VWA3B: variants seen among roughly 807,000 people sequenced by gnomAD.
The protein encoded by VWA3B is von Willebrand factor A domain containing 3B, also known as von Willebrand factor A domain-containing protein 3B.
A neutral mutation model predicts 158.3 loss-of-function variants in VWA3B; 138 were observed. The ratio of observed to expected loss-of-function variants is 0.87; its 90% confidence interval spans 0.76 to 1.00. The LOEUF is 1.00. Among genes scored for constraint, VWA3B ranks in the 50% least tolerant of loss-of-function variants. The probability of loss-of-function intolerance (pLI) is 0.00; values close to 1 mark genes in which losing one functional copy is unlikely to be tolerated. For missense variants in VWA3B, 1,555 were observed against 1,565.1 expected (o/e 0.99, Z 0.11); for synonymous variants, 596 against 587.3 (o/e 1.01, Z -0.21).
chr2:98,321,773 A>G, the VWA3B span, among the ~76,000 whole-genome samples: 1 of 152,170 alleles, frequency 6.6e-6, no homozygotes, highest in East Asian at 1.9e-4. Context: ...ACTTTGGGGT[A>G]CTGTTGGGAA....
chr2:98,259,166 G>A (rs559042063), intron 21 of VWA3B, among the ~76,000 whole-genome samples: 2 of 151,724 alleles, frequency 1.3e-5, no homozygotes, highest in Admixed American at 1.3e-4. Context: ...GATTTGATTT[G>A]CTAGTGTTTT....
chr2:98,293,382 C>T (rs1475469315), intron 23 of VWA3B, among the ~76,000 whole-genome samples: 2 of 152,200 alleles, frequency 1.3e-5, no homozygotes, highest in African/African-American at 4.8e-5. Context: ...AACTTTGACT[C>T]AGCCAGATTA....
chr2:98,328,803 G>T, the VWA3B span, among the ~76,000 whole-genome samples: 1 of 152,036 alleles, frequency 6.6e-6, no homozygotes, highest in African/African-American at 2.4e-5. Context: ...CATAGTTCCA[G>T]CAGGTTTGTT....
intron 19 of VWA3B, among the ~76,000 whole-genome samples, chr2:98,242,531 C>G (rs190560531): frequency 2.2e-4 from 33 of 151,960 alleles, no homozygotes; most frequent in Admixed American, 2.0e-3. Context: ...GAGTCTACAT[C>G]ATCACCCATC....
chr2:98,258,681 A>T (rs1010901130), intron 21 of VWA3B, among the ~76,000 whole-genome samples: 8 of 151,794 alleles, frequency 5.3e-5, no homozygotes, highest in Non-Finnish European at 1.5e-5. Flanking sequence ...TTGTATTTTG[A>T]CTTTGTACCT....
the VWA3B span, among the ~76,000 whole-genome samples, chr2:98,330,429 G>C: frequency 2.0e-5 from 3 of 152,138 alleles, no homozygotes; most frequent in Non-Finnish European, 4.4e-5. Context: ...GCCCATCAGA[G>C]AAACATCTCG....
Position 98,133,949 on chromosome 2 carries a change from A to G in VWA3B, c.988+10A>G. 1 of 1,607,626 alleles carries G rather than the reference A, an allele frequency of 6.2e-7. No individual in the cohort carries two copies. Among genetic ancestry groups the G allele is most frequent in the Non-Finnish European group, 8.5e-7 (1 of 1,174,014 alleles). On this transcript the variant is annotated intron_variant, in intron 7 of 27. Transcript: ENST00000477737. ...GGAAAACTCCCTCCAGGTACCTGGA[A>G]TCCAAAAGAAGTGGTGTAGCTTATG... is the stretch of plus-strand genomic sequence containing the variant.
At chr2:98,290,375 C>T (rs1409490489) in intron 22 of VWA3B, 136 bp from the exon 23 acceptor site, 2 of 682,810 alleles carry the variant, frequency 2.9e-6, no homozygotes, top group Non-Finnish European at 4.9e-6. Context: ...ACCTCCAACA[C>T]TGGAACTTGT....
intron 20 of VWA3B, among the ~76,000 whole-genome samples, chr2:98,253,057 A>G (rs1029217540): frequency 2.0e-5 from 3 of 152,140 alleles, no homozygotes; most frequent in Non-Finnish European, 4.4e-5. Flanking sequence ...TTGTTATTTA[A>G]TATTAATAGT....
At chr2:98,250,719 A>G (rs1001978704) in intron 20 of VWA3B, among the ~76,000 whole-genome samples, 9 of 152,112 alleles carry the variant, frequency 5.9e-5, no homozygotes, top group African/African-American at 1.2e-4. Flanking sequence ...GGTGATTGCA[A>G]TCAACAATAA....
intron 19 of VWA3B, among the ~76,000 whole-genome samples, chr2:98,243,025 AAAG>A (rs769161414): frequency 6.6e-6 from 1 of 152,102 alleles, no homozygotes; most frequent in Non-Finnish European, 1.5e-5. Context: ...AGTGAAAAAG[AAAG>A]AAGCAATAGT....
intron 26 of VWA3B, among the ~76,000 whole-genome samples, chr2:98,308,890 G>C (rs1027352510): frequency 1.3e-5 from 2 of 152,206 alleles, no homozygotes; most frequent in Non-Finnish European, 2.9e-5. Context: ...GAAGACTCCT[G>C]TCCGGGGGCA....
At chr2:98,107,611 T>A (rs1000965715) in intron 2 of VWA3B, among the ~76,000 whole-genome samples, 2 of 152,114 alleles carry the variant, frequency 1.3e-5, no homozygotes, top group Admixed American at 1.3e-4. Context: ...TGTGGTAGTT[T>A]GTTTTCTGAG....
At chr2:98,187,626 G>GTC (rs377583732) in intron 9 of VWA3B, among the ~76,000 whole-genome samples, 1 of 148,552 alleles carries the variant, frequency 6.7e-6, no homozygotes, top group African/African-American at 2.6e-5. Context: ...ACATTGCTAT[G>GTC]TCTCTCTCTC....
rs546385704 is a variant in VWA3B at position 98,261,575 on chromosome 2, C to T, written c.2843+5401C>T. 1.9e-3 allele frequency among the ~76,000 whole-genome samples: 286 copies of T among 151,706 alleles called. 1 individual carries two copies. The highest frequency in any genetic ancestry group is 6.1e-3 in the African/African-American group (253 of 41,448). ...ACATGAAGAGCTCTTTATAGCATTC[C>T]TTTTAGGACAGGTCTACTAGTAACA... On this transcript the variant is annotated intron_variant, in intron 21 of 27. Transcript: ENST00000477737.
At chr2:98,281,921 G>A (rs924854870) in intron 22 of VWA3B, among the ~76,000 whole-genome samples, 2 of 152,188 alleles carry the variant, frequency 1.3e-5, no homozygotes, top group African/African-American at 2.4e-5. Flanking sequence ...ATTTGTTTGA[G>A]AGCTAGCCTT....
intron 21 of VWA3B, among the ~76,000 whole-genome samples, chr2:98,264,611 A>G (rs1409629826): frequency 6.6e-6 from 1 of 151,904 alleles, no homozygotes. Context: ...TTTTTTAAAT[A>G]TTTGTTTTGT....
At chr2:98,285,436 C>G (rs1308671128) in intron 22 of VWA3B, among the ~76,000 whole-genome samples, 1 of 151,852 alleles carries the variant, frequency 6.6e-6, no homozygotes, top group Non-Finnish European at 1.5e-5. Context: ...ATTTTCATTT[C>G]TCTTGATGAG....
chr2:98,261,140 C>T (rs1364715694), intron 21 of VWA3B, among the ~76,000 whole-genome samples: 2 of 151,616 alleles, frequency 1.3e-5, no homozygotes, highest in Non-Finnish European at 3.0e-5. Flanking sequence ...TTGATTTGTT[C>T]TAATGGGTCG....
Sources: allele counts gnomAD v4.1 joint callset (sites outside exome capture counted in the v4.1 genomes callset), GRCh38; gene constraint gnomAD v4.1.1; transcripts MANE v1.5; gene names NCBI Gene and HGNC (gene_info 2026-07-23, HGNC 2026-07-21).